NAV2: variants seen among roughly 807,000 people sequenced by gnomAD.
NAV2 encodes helicase, APC down-regulated 1.
A neutral mutation model predicts 223.2 loss-of-function variants in NAV2; 54 were observed. That is an observed-to-expected ratio of 0.24 (90% confidence interval 0.19 to 0.30). The LOEUF is 0.30. Ranked by LOEUF, NAV2 falls within the 10% of genes least tolerant of loss-of-function variation. The pLI is 1.00. For missense variants in NAV2, 2,806 were observed against 3,147.5 expected (o/e 0.89, Z 2.60); for synonymous variants, 1,279 against 1,239.3 (o/e 1.03, Z -0.67).
chr11:19,731,118 A>G (rs971786922), intron 1 of NAV2, among the ~76,000 whole-genome samples: 1 of 152,188 alleles, frequency 6.6e-6, no homozygotes, highest in African/African-American at 2.4e-5. Flanking sequence ...ATGGATACCC[A>G]TGTGGGGTTA....
At chr11:19,977,798 C>CTTTT (rs1221334182) in intron 10 of NAV2, among the ~76,000 whole-genome samples, 37 of 90,780 alleles carry the variant, frequency 4.1e-4, no homozygotes, top group African/African-American at 6.3e-4. Context: ...CAACTTTTTT[C>CTTTT]TTTTTTTTTT....
chr11:19,569,622 C>T (rs576472433), intron 1 of NAV2, among the ~76,000 whole-genome samples: 41 of 152,218 alleles, frequency 2.7e-4, no homozygotes, highest in Non-Finnish European at 5.0e-4. Flanking sequence ...TTTCTGTGGC[C>T]CCCATAGCAC....
At position 20,117,280 on chromosome 11, in the gene NAV2, A is replaced by C. The variant is rs1412972022; in HGVS notation, c.7165-853A>C. Among the ~76,000 whole-genome samples, 3 of 152,324 alleles carry C rather than the reference A, an allele frequency of 2.0e-5. No homozygotes were observed. The East Asian group carries it at 5.8e-4, about 29-fold the overall frequency. Reference sequence around the variant, plus strand: ...TGTAAACAAGGGCAGATTCAAGAACACTGTCGCTAAACTCTTTTAAGTTAG... The same window carrying C: ...TGTAAACAAGGGCAGATTCAAGAACCCTGTCGCTAAACTCTTTTAAGTTAG... On this transcript the variant is annotated intron_variant, in intron 37 of 37. Coordinates refer to ENST00000349880, the MANE Select transcript of NAV2 (RefSeq NM_145117.5).
chr11:19,948,821 G>T lies in NAV2; in HGVS notation c.2386G>T (p.Asp796Tyr). 6.2e-7 allele frequency: 1 copy of T among 1,614,038 alleles called. No individual in the cohort carries two copies. Among genetic ancestry groups the T allele is most frequent in the Non-Finnish European group, 8.5e-7 (1 of 1,180,006 alleles). The change falls in exon 10 of 38, where the codon GAC becomes TAC. Residue 796 changes from aspartate (D) to tyrosine (Y), a missense_variant. Around this residue, in one of 4 missense-constraint regions of NAV2, gnomAD observed 1,167 missense variants for 1,180.5 expected, o/e 0.99. Transcript: ENST00000349880. ...GQSSPRLQAG[D>Y]APSMGNGYPP... Reference sequence around the variant, plus strand: ...GTCCAGCCCTCGGCTCCAAGCAGGAGACGCCCCCTCAATGGGCAATGGGTA... The same window carrying T: ...GTCCAGCCCTCGGCTCCAAGCAGGATACGCCCCCTCAATGGGCAATGGGTA...
chr11:20,020,648 A>G (rs773356888), intron 11 of NAV2, among the ~76,000 whole-genome samples: 9 of 152,246 alleles, frequency 5.9e-5, no homozygotes, highest in Non-Finnish European at 1.3e-4. Flanking sequence ...TATGTCTCCT[A>G]CAATAAACTC....
chr11:19,571,743 G>T (rs867926810), intron 1 of NAV2, among the ~76,000 whole-genome samples: 3 of 152,004 alleles, frequency 2.0e-5, no homozygotes, highest in Non-Finnish European at 4.4e-5. Context: ...TTAATTTTAT[G>T]TTATGTCGAT....
In NAV2 at chr11:19,444,955, A is replaced by G. The variant is rs141468949; in HGVS notation, c.75+93928A>G. Among the ~76,000 whole-genome samples, 996 of 152,248 alleles carry G rather than the reference A, an allele frequency of 6.5e-3. 12 individuals are homozygous for G. The highest frequency in any genetic ancestry group is 0.023 in the African/African-American group (942 of 41,532). ...AAGAAATCTATATGAAGAATAGGAAAATGTCTGGCCCAGAGTAAAAGTTCA... is the reference window on the plus strand; with the variant it reads ...AAGAAATCTATATGAAGAATAGGAAGATGTCTGGCCCAGAGTAAAAGTTCA... On this transcript the variant is annotated intron_variant, in intron 1 of 37. Transcript: ENST00000360655.
intron 3 of NAV2, among the ~76,000 whole-genome samples, chr11:19,844,997 A>T (rs1376119306): frequency 6.6e-6 from 1 of 152,156 alleles, no homozygotes; most frequent in Non-Finnish European, 1.5e-5. Flanking sequence ...CAGTCATTCT[A>T]TTCTGTAGGA....
At chr11:19,791,787 T>C (rs2057537479) in intron 1 of NAV2, among the ~76,000 whole-genome samples, 1 of 152,070 alleles carries the variant, frequency 6.6e-6, no homozygotes, top group African/African-American at 2.4e-5. Context: ...ATAGGACTTA[T>C]TCAAATTTCA....
At chr11:19,903,819 T>C (rs2042642051) in intron 6 of NAV2, among the ~76,000 whole-genome samples, 1 of 152,202 alleles carries the variant, frequency 6.6e-6, no homozygotes, top group African/African-American at 2.4e-5. Context: ...ACTGTCTAAA[T>C]GCTTTCTTCC....
chr11:19,462,902 G>C (rs1438246642), intron 1 of NAV2, among the ~76,000 whole-genome samples: 1 of 152,206 alleles, frequency 6.6e-6, no homozygotes, highest in African/African-American at 2.4e-5. Flanking sequence ...CCCTATATCA[G>C]CTCTGTTTCC....
chr11:20,018,717 G>T (rs1308824558), intron 11 of NAV2, among the ~76,000 whole-genome samples: 1 of 152,200 alleles, frequency 6.6e-6, no homozygotes. Context: ...TGTGCTCGAG[G>T]AGCTCCCTGT....
Position 19,984,897 on chromosome 11 carries a change from TG to T in NAV2, c.2768+651del, listed in dbSNP as rs1472220506. Among the ~76,000 whole-genome samples, 7 of 152,328 alleles carry T rather than the reference TG, an allele frequency of 4.6e-5. No homozygotes were observed. In the East Asian group the frequency reaches 1.2e-3, roughly 25 times the overall value. ...TGATTCTATGACCCTGAGCAACCGA[TG>T]AAGTGAGGAGTTTGGACTATATGAT... is the stretch of plus-strand genomic sequence containing the variant. On this transcript the variant is annotated intron_variant, in intron 11 of 37. Transcript: ENST00000349880.
At chr11:19,557,135 A>G (rs548273294) in intron 1 of NAV2, among the ~76,000 whole-genome samples, 8 of 152,392 alleles carry the variant, frequency 5.2e-5, no homozygotes, top group Admixed American at 5.2e-4. Context: ...TCACTGGATG[A>G]TAAGGCAGTA....
intron 1 of NAV2, among the ~76,000 whole-genome samples, chr11:19,580,293 G>T (rs1354609787): frequency 6.6e-6 from 1 of 151,928 alleles, no homozygotes; most frequent in Non-Finnish European, 1.5e-5. Context: ...AAAAGAACAT[G>T]GTGCTTGGGA....
At chr11:19,570,744 A>T (rs1443400881) in intron 1 of NAV2, among the ~76,000 whole-genome samples, 1 of 152,248 alleles carries the variant, frequency 6.6e-6, no homozygotes, top group Non-Finnish European at 1.5e-5. Context: ...ATACCACTTC[A>T]CACACGCTAG....
Position 19,748,157 on chromosome 11 carries a change from G to A in NAV2, c.267+34195G>A, listed in dbSNP as rs111360652. ...GCAGAGAGATTGGATTTCCTTCAAA[G>A]CAAGTCACAGTCAATTCTCCCAGCT... is the stretch of plus-strand genomic sequence containing the variant. On this transcript the variant is annotated intron_variant, in intron 1 of 37. Transcript: ENST00000349880. Among the ~76,000 whole-genome samples the A allele has an allele frequency of 9.4e-3, 1,437 of 152,324 alleles. 20 individuals are homozygous for A. Among genetic ancestry groups the A allele is most frequent in the African/African-American group, 0.033 (1,367 of 41,560 alleles).
chr11:19,413,002 A>G (rs1031235004), intron 1 of NAV2, among the ~76,000 whole-genome samples: 1 of 152,152 alleles, frequency 6.6e-6, no homozygotes, highest in Admixed American at 6.5e-5. Flanking sequence ...AATTCCAAAA[A>G]CCAGATGACC....
chr11:19,707,779 C>T (rs1292682992), intron 1 of NAV2, among the ~76,000 whole-genome samples: 1 of 152,168 alleles, frequency 6.6e-6, no homozygotes, highest in Non-Finnish European at 1.5e-5. Flanking sequence ...ATAAAACTTG[C>T]AGCACAGTAT....
Sources: allele counts gnomAD v4.1 joint callset (sites outside exome capture counted in the v4.1 genomes callset), GRCh38; gene constraint gnomAD v4.1.1; regional missense constraint gnomAD v4.1.1; transcripts MANE v1.5; gene names NCBI Gene and HGNC (gene_info 2026-07-23, HGNC 2026-07-21).